Variants in KLRG2 observed in about 807,000 individuals in gnomAD.
KLRG2 encodes the protein killer cell lectin-like receptor subfamily G member 2.
In KLRG2, 39 loss-of-function variants were observed where a neutral mutation model predicts 35.4. The ratio of observed to expected loss-of-function variants is 1.10; its 90% CI spans 0.85 to 1.44. The LOEUF (loss-of-function observed/expected upper bound fraction) is 1.44. Among genes scored for constraint, KLRG2 ranks in the 40% most tolerant of loss-of-function variants. The pLI is 0.00. For missense variants in KLRG2, 632 were observed against 570.9 expected (o/e 1.11, Z -1.09); for synonymous variants, 283 against 265.8 (o/e 1.06, Z -0.63).
At chr7:139,433,690 A>T in the KLRG2 span, among the ~76,000 whole-genome samples, 1 of 144,164 alleles carries the variant, frequency 6.9e-6, no homozygotes, top group South Asian at 2.2e-4. Flanking sequence ...GCAGTGGCAC[A>T]TTCTCGCCTC....
intron 3 of KLRG2, 108 bp from the exon 4 acceptor site, chr7:139,454,322 G>T: frequency 1.5e-6 from 1 of 671,042 alleles, no homozygotes; most frequent in South Asian, 1.7e-5. Flanking sequence ...CAATCCAGAA[G>T]GATCTGCTCA....
chr7:139,470,715 AG>A (rs1177815374), intron 3 of KLRG2, among the ~76,000 whole-genome samples: 6 of 152,140 alleles, frequency 3.9e-5, no homozygotes, highest in Non-Finnish European at 8.8e-5. Context: ...TGCTTGAGTC[AG>A]GAGAGTTCGA....
the KLRG2 span, among the ~76,000 whole-genome samples, chr7:139,430,598 A>T: frequency 2.0e-5 from 3 of 152,226 alleles, no homozygotes; most frequent in African/African-American, 7.2e-5. Flanking sequence ...TTACCATATG[A>T]CCCAGCAATC....
chr7:139,444,337 C>T, the KLRG2 span, among the ~76,000 whole-genome samples: 6 of 150,630 alleles, frequency 4.0e-5, no homozygotes, highest in African/African-American at 9.9e-5. Flanking sequence ...CCCACCACCA[C>T]GCCTGGCTAA....
intron 3 of KLRG2, among the ~76,000 whole-genome samples, chr7:139,469,851 G>C (rs1445552257): frequency 6.6e-6 from 1 of 152,222 alleles, no homozygotes; most frequent in African/African-American, 2.4e-5. Flanking sequence ...CCGGCCATGC[G>C]TTCCGCACCC....
At chr7:139,451,547 T>G (rs1306668457), downstream of KLRG2, among the ~76,000 whole-genome samples, 2 of 151,110 alleles carry the variant, frequency 1.3e-5, no homozygotes, top group Non-Finnish European at 2.9e-5. Context: ...ACCGAGGGAG[T>G]GGATTATCAC....
chr7:139,462,844 A>G (rs1796589922), intron 3 of KLRG2, among the ~76,000 whole-genome samples: 1 of 123,924 alleles, frequency 8.1e-6, no homozygotes, highest in African/African-American at 2.7e-5. Context: ...CTGTCCCCTC[A>G]GTCCCAACCC....
intron 3 of KLRG2, among the ~76,000 whole-genome samples, chr7:139,455,131 G>C (rs531058143): frequency 3.3e-5 from 5 of 150,464 alleles, no homozygotes; most frequent in African/African-American, 1.2e-4. Context: ...CGATTCTCCC[G>C]CCTCAGCCTC....
chr7:139,453,493 G>C lies in KLRG2; in HGVS notation c.*94C>G, dbSNP rs774656792. On this transcript the variant is annotated 3_prime_UTR_variant, in exon 5 of 5. Coordinates refer to ENST00000340940, the MANE Select transcript of KLRG2 (RefSeq NM_198508.4). ...GCAGAGCATGAAGACCTGGATAACT[G>C]GGTCCAGGAAGAGGCTGCCCAAGCT... 9.0e-6 allele frequency: 12 copies of C among 1,337,852 alleles called. No individual in the cohort carries two copies. The South Asian group carries it at 1.5e-4, about 17-fold the overall frequency. 82.9% of individuals were successfully genotyped at this position (1,337,852 alleles called of 1,614,324 possible).
At chr7:139,480,439 CTTT>C (rs892455272) in intron 1 of KLRG2, among the ~76,000 whole-genome samples, 192 bp from the exon 2 acceptor site, 8 of 85,198 alleles carry the variant, frequency 9.4e-5, no homozygotes, top group African/African-American at 1.1e-4. Context: ...GCCAGATATT[CTTT>C]TTTTTTTTTT....
chr7:139,467,204 T>A (rs1164828201), intron 3 of KLRG2, among the ~76,000 whole-genome samples: 2 of 152,082 alleles, frequency 1.3e-5, no homozygotes, highest in Non-Finnish European at 2.9e-5. Context: ...CCATTATCTC[T>A]CCATATCACC....
chr7:139,463,152 G>T (rs1365925072), intron 3 of KLRG2, among the ~76,000 whole-genome samples: 1 of 152,158 alleles, frequency 6.6e-6, no homozygotes, highest in Non-Finnish European at 1.5e-5. Context: ...TTAGCGTTTA[G>T]GCTCTTTTTC....
chr7:139,476,613 T>C (rs1796854968), intron 3 of KLRG2, among the ~76,000 whole-genome samples: 1 of 152,100 alleles, frequency 6.6e-6, no homozygotes, highest in Non-Finnish European at 1.5e-5. Context: ...CTAATTTTTG[T>C]ATTTTTAGTA....
chr7:139,440,274 TA>T, the KLRG2 span, among the ~76,000 whole-genome samples: 104 of 141,792 alleles, frequency 7.3e-4, 1 homozygote, highest in African/African-American at 2.8e-3. Context: ...CACACCTGGC[TA>T]TTTTTTTTTT....
chr7:139,460,808 A>C (rs886083059), intron 3 of KLRG2, among the ~76,000 whole-genome samples: 1 of 151,982 alleles, frequency 6.6e-6, no homozygotes, highest in Non-Finnish European at 1.5e-5. Context: ...AAAATACAAA[A>C]ATTAGCTGCA....
downstream of KLRG2, among the ~76,000 whole-genome samples, chr7:139,448,342 T>C (rs1031289138): frequency 6.6e-6 from 1 of 152,180 alleles, no homozygotes; most frequent in Admixed American, 6.5e-5. Flanking sequence ...TTTGGACATA[T>C]TGAAGACCAG....
At chr7:139,474,014 C>CTTTTTT (rs751172556) in intron 3 of KLRG2, among the ~76,000 whole-genome samples, 1 of 129,932 alleles carries the variant, frequency 7.7e-6, no homozygotes, top group Non-Finnish European at 1.6e-5. Flanking sequence ...GTGGCTCAGA[C>CTTTTTT]TTTTTTTTTT....
chr7:139,479,764 A>G lies in KLRG2; in HGVS notation c.868T>C (p.Cys290Arg). The part of the protein sequence containing the change: ...VVLASRAGAR[C>R]QQCPPGWVLS... ...ACCCAGCCTGGGGGGCACTGCTGGC[A>G]TCTGGCTCCTGCAAGCACAGAGACT... The change falls in exon 3 of 5, where the codon TGC becomes CGC. Residue 290 changes from cysteine to arginine, a missense_variant. Cys to Arg is a radical substitution (Grantham distance 180). Transcript: ENST00000340940. The G allele has an allele frequency of 1.2e-6, 2 of 1,613,666 alleles. No individual in the cohort carries two copies. Among genetic ancestry groups the G allele is most frequent in the Non-Finnish European group, 1.7e-6 (2 of 1,179,808 alleles).
At position 139,454,137 on chromosome 7, in the gene KLRG2, G is replaced by C. The variant is rs370420517; in HGVS notation, c.1083C>G (p.Ile361Met). Reference protein sequence around the residue: ...AWRGPQGWHWIDEAPLPPQLL... With the variant: ...AWRGPQGWHWMDEAPLPPQLL... ...GCTGGGGCGGGAGTGGGGCCTCGTC[G>C]ATCCAGTGCCAGCCCTGGGGGCCTC... The change falls in exon 4 of 5, where the codon ATC (isoleucine) becomes ATG (methionine). Residue 361 changes from isoleucine (I) to methionine (M), a missense_variant. Coordinates refer to ENST00000340940, the MANE Select transcript of KLRG2 (RefSeq NM_198508.4). 1.9e-6 allele frequency: 3 copies of C among 1,545,712 alleles called. No homozygotes were observed. Among genetic ancestry groups the C allele is most frequent in the Non-Finnish European group, 1.8e-6 (2 of 1,142,814 alleles).
Sources: gnomAD v4.1 joint callset for allele counts (sites outside exome capture counted in the v4.1 genomes callset) on GRCh38, gnomAD v4.1.1 for gene constraint, MANE v1.5 for transcripts, NCBI Gene and HGNC (gene_info 2026-07-23, HGNC 2026-07-21) for gene names.